The following ZHX3 variants were observed in gnomAD, a reference collection of about 807,000 sequenced individuals.
ZHX3 encodes the protein zinc fingers and homeoboxes protein 3.
ZHX3 carries 20 observed loss-of-function variants against 64.5 expected under a neutral mutation model. The ratio of observed to expected loss-of-function variants is 0.31; its 90% confidence interval spans 0.22 to 0.45. The LOEUF (loss-of-function observed/expected upper bound fraction) is 0.45, where lower values mean the gene tolerates loss of function less well. ZHX3 is among the 20% of genes least tolerant of loss of function. The pLI is 1.00. For missense variants in ZHX3, 1,041 were observed against 1,195.8 expected (o/e 0.87, Z 1.91); for synonymous variants, 423 against 461.6 (o/e 0.92, Z 1.07).
chr20:41,196,363 T>TATATATATTTATATAACATAA (rs1435527243), intron 3 of ZHX3, among the ~76,000 whole-genome samples: 1 of 89,576 alleles, frequency 1.1e-5, no homozygotes, highest in African/African-American at 4.7e-5. Flanking sequence ...ATCTTATAAA[T>TATATATATTTATATAACATAA]ATATATATTT....
At position 41,181,088 on chromosome 20, in the gene ZHX3, T is replaced by C. The variant is rs1359857656; in HGVS notation, c.*4103A>G. On this transcript the variant is annotated 3_prime_UTR_variant, in exon 4 of 4. Coordinates refer to ENST00000683867, the MANE Select transcript of ZHX3 (RefSeq NM_001384317.1). The stretch of plus-strand genomic sequence containing the variant: ...CTGGGCAGGCTGGCTGAGAGAGGTC[T>C]GTGCTCTCAGGTAAAAGGAGAGAAG... 6.6e-6 allele frequency: 1 copy of C among 152,270 alleles called. No individual in the cohort carries two copies. The highest frequency in any genetic ancestry group is 2.4e-5 in the African/African-American group (1 of 41,408). 9.4% of individuals were successfully genotyped at this position (152,270 alleles called of 1,614,324 possible).
At chr20:41,191,028 A>G (rs2036973377) in intron 3 of ZHX3, among the ~76,000 whole-genome samples, 1 of 152,182 alleles carries the variant, frequency 6.6e-6, no homozygotes, top group African/African-American at 2.4e-5. Flanking sequence ...CACTGTATCC[A>G]TTTAGAGGCT....
chr20:41,236,628 G>T (rs1187245484), intron 2 of ZHX3, among the ~76,000 whole-genome samples: 3 of 152,164 alleles, frequency 2.0e-5, no homozygotes, highest in Non-Finnish European at 2.9e-5. Context: ...ATTCAAGATG[G>T]ATTAAAGACT....
chr20:41,239,314 G>A (rs6072314), intron 2 of ZHX3, among the ~76,000 whole-genome samples: 2 of 151,954 alleles, frequency 1.3e-5, no homozygotes, highest in African/African-American at 4.8e-5. Context: ...TGGCCAATAA[G>A]GGCCTATTTT....
chr20:41,288,080 G>A (rs1332668957), intron 1 of ZHX3, among the ~76,000 whole-genome samples: 3 of 152,130 alleles, frequency 2.0e-5, no homozygotes, highest in Non-Finnish European at 4.4e-5. Context: ...AGGCTGAAGT[G>A]TAGTAGCACA....
chr20:41,238,451 G>T (rs2041158358), intron 2 of ZHX3, among the ~76,000 whole-genome samples: 1 of 152,136 alleles, frequency 6.6e-6, no homozygotes, highest in African/African-American at 2.4e-5. Context: ...AGGAGGGACA[G>T]AGGGTGGAAA....
chr20:41,247,748 G>C (rs1486209259), intron 2 of ZHX3, among the ~76,000 whole-genome samples: 3 of 152,094 alleles, frequency 2.0e-5, no homozygotes, highest in Non-Finnish European at 4.4e-5. Flanking sequence ...ATGCTCCCCT[G>C]AATCACAACC....
At chr20:41,292,695 T>C (rs943764355) in intron 1 of ZHX3, among the ~76,000 whole-genome samples, 4 of 152,216 alleles carry the variant, frequency 2.6e-5, no homozygotes, top group African/African-American at 9.7e-5. Context: ...AAGAAAAAAA[T>C]TGGATGCTCC....
At position 41,185,436 on chromosome 20, in the gene ZHX3, G is replaced by T; in HGVS notation, c.2861-235C>A. 5.0e-6 allele frequency: 3 copies of T among 600,934 alleles called. No individual in the cohort carries two copies. The highest frequency in any genetic ancestry group is 8.8e-6 in the Non-Finnish European group (3 of 341,652). 37.2% of individuals were successfully genotyped at this position (600,934 alleles called of 1,614,324 possible). On this transcript the variant is annotated intron_variant, in intron 3 of 3. Coordinates refer to ENST00000683867, the MANE Select transcript of ZHX3 (RefSeq NM_001384317.1). The surrounding 1 kb of genome is among the most constrained non-coding windows in gnomAD (Gnocchi z 5.0). ...GCCATCAGACTCTCTGAGAGACCCT[G>T]CTAAACCCTAGGCCTAGCAGCAGGA...
intron 1 of ZHX3, among the ~76,000 whole-genome samples, chr20:41,276,464 G>A (rs76530275): frequency 6.6e-6 from 1 of 151,998 alleles, no homozygotes; most frequent in Non-Finnish European, 1.5e-5. Context: ...ATAACCTCTC[G>A]GTCTCAAAAC....
At chr20:41,246,880 AAAACC>A (rs1232200890) in intron 2 of ZHX3, among the ~76,000 whole-genome samples, 1 of 107,056 alleles carries the variant, frequency 9.3e-6, no homozygotes, top group African/African-American at 4.7e-5. Context: ...CTGAAAAAAA[AAAACC>A]AAACAAACAA....
At chr20:41,315,601 A>G (rs1175561602) in intron 1 of ZHX3, among the ~76,000 whole-genome samples, 1 of 151,974 alleles carries the variant, frequency 6.6e-6, no homozygotes, top group African/African-American at 2.4e-5. Flanking sequence ...TTAAGACAAA[A>G]AGCTATTGGA....
chr20:41,224,226 C>T lies in ZHX3; in HGVS notation c.-150-19160G>A, dbSNP rs1395138279. ...TGTGGGAGCTAATTATCATTTATGACAATTTATTACAAAGCCCCTTTCTTA... is the reference window on the plus strand; with the variant it reads ...TGTGGGAGCTAATTATCATTTATGATAATTTATTACAAAGCCCCTTTCTTA... On this transcript the variant is annotated intron_variant, in intron 2 of 3. Coordinates refer to ENST00000683867, the MANE Select transcript of ZHX3 (RefSeq NM_001384317.1). The surrounding 1 kb of genome is among the most constrained non-coding windows in gnomAD (Gnocchi z 5.2). Among the ~76,000 whole-genome samples, 4 of 151,914 alleles carry T rather than the reference C, an allele frequency of 2.6e-5. No homozygotes were observed. The highest frequency in any genetic ancestry group is 5.9e-5 in the Non-Finnish European group (4 of 67,810).
intron 1 of ZHX3, among the ~76,000 whole-genome samples, chr20:41,291,018 T>C (rs559145902): frequency 2.6e-5 from 4 of 152,328 alleles, no homozygotes; most frequent in African/African-American, 9.6e-5. Flanking sequence ...TATGTGGTAT[T>C]GTTTGATGAA....
intron 1 of ZHX3, among the ~76,000 whole-genome samples, chr20:41,313,668 G>A (rs1278961984): frequency 7.4e-6 from 1 of 134,934 alleles, no homozygotes; most frequent in Non-Finnish European, 1.5e-5. Context: ...CGAGATCTCA[G>A]CTCACTGCAG....
chr20:41,278,866 G>A lies in ZHX3; in HGVS notation c.-244-9783C>T, dbSNP rs936191283. Among the ~76,000 whole-genome samples the A allele has an allele frequency of 1.6e-4, 23 of 147,824 alleles. 1 individual carries two copies. The highest frequency in any genetic ancestry group is 5.3e-4 in the African/African-American group (21 of 39,830). ...GGGCTCACTGCAAGCTCTGCCTCCC[G>A]GGTTCATGCCATTCTCCTGCCTCAG... On this transcript the variant is annotated intron_variant, in intron 1 of 3. Transcript: ENST00000683867.
At position 41,195,934 on chromosome 20, in the gene ZHX3, C is replaced by T. The variant is rs531228150; in HGVS notation, c.2860+6123G>A. 6.6e-6 allele frequency among the ~76,000 whole-genome samples: 1 copy of T among 152,118 alleles called. No homozygotes were observed. The highest frequency in any genetic ancestry group is 1.9e-4 in the East Asian group (1 of 5,182). ...TTTATTTTCAATGTCTAGTTTCATT[C>T]CACTGTAACTGGAATGTACTCTGTA... On this transcript the variant is annotated intron_variant, in intron 3 of 3. Coordinates refer to ENST00000683867, the MANE Select transcript of ZHX3 (RefSeq NM_001384317.1). The surrounding 1 kb of genome is among the most constrained non-coding windows in gnomAD (Gnocchi z 4.2).
Position 41,230,926 on chromosome 20 carries a change from G to A in ZHX3, c.-150-25860C>T, listed in dbSNP as rs563552709. ...AGTTCACTCTTGGTGTACATTCTAT[G>A]GGTTTGGACAAATTTATAATGATAT... On this transcript the variant is annotated intron_variant, in intron 2 of 3. Coordinates refer to ENST00000683867, the MANE Select transcript of ZHX3 (RefSeq NM_001384317.1). Among the ~76,000 whole-genome samples the A allele has an allele frequency of 3.7e-4, 57 of 152,238 alleles. No individual in the cohort carries two copies. The Middle Eastern group carries it at 0.014, about 36-fold the overall frequency.
Position 41,185,121 on chromosome 20 carries a change from C to G in ZHX3, c.*70G>C. The G allele has an allele frequency of 1.3e-6, 2 of 1,584,990 alleles. No individual in the cohort carries two copies. The highest frequency in any genetic ancestry group is 1.7e-6 in the Non-Finnish European group (2 of 1,163,756). ...GGAACGGCATGTGGCAGCAGAGAGT[C>G]GGGTTTGGCTCTTCCACGTGGCAGG... On this transcript the variant is annotated 3_prime_UTR_variant, in exon 4 of 4. Transcript: ENST00000683867. The surrounding 1 kb of genome is among the most constrained non-coding windows in gnomAD (Gnocchi z 5.0).
Sources: gnomAD v4.1 joint callset for allele counts (sites outside exome capture counted in the v4.1 genomes callset) on GRCh38, gnomAD v4.1.1 for gene constraint, Gnocchi (gnomAD v3.1) non-coding constraint, MANE v1.5 for transcripts, NCBI Gene and HGNC (gene_info 2026-07-23, HGNC 2026-07-21) for gene names.